Variants in SPTLC3 observed in about 807,000 individuals in gnomAD.
The protein encoded by SPTLC3 is serine palmitoyltransferase long chain base subunit 3.
Under a neutral mutation model 59.3 loss-of-function variants are expected in SPTLC3, and 36 were observed. The ratio of observed to expected loss-of-function variants is 0.61; its 90% CI spans 0.47 to 0.80. SPTLC3 has a LOEUF of 0.80. Ranked by LOEUF, SPTLC3 falls within the 30% of genes least tolerant of loss-of-function variation. The pLI is 0.00. For synonymous variants in SPTLC3, 257 were observed against 240.8 expected, an observed-to-expected ratio of 1.07 and a Z score of -0.62; for missense variants, 625 against 685.1, an observed-to-expected ratio of 0.91 and a Z score of 0.98.
chr20:13,143,024 G>C (rs796666140), intron 9 of SPTLC3, among the ~76,000 whole-genome samples: 64 of 152,272 alleles, frequency 4.2e-4, no homozygotes, highest in African/African-American at 1.4e-3. Context: ...CTGAAGTTTT[G>C]TGCCCTTTGT....
At chr20:13,077,573 C>T (rs954437278) in intron 4 of SPTLC3, among the ~76,000 whole-genome samples, 1 of 151,908 alleles carries the variant, frequency 6.6e-6, no homozygotes, top group Non-Finnish European at 1.5e-5. Context: ...TAATAAGAAA[C>T]TAACAAGTAT....
chr20:13,079,668 C>A, intron 4 of SPTLC3: 1 of 427,810 alleles, frequency 2.3e-6, no homozygotes, highest in East Asian at 8.8e-5. Flanking sequence ...TTGATGTGCG[C>A]AATGCTTCTT....
intron 2 of SPTLC3, among the ~76,000 whole-genome samples, chr20:13,056,379 A>G (rs896309426): frequency 6.6e-6 from 1 of 151,906 alleles, no homozygotes; most frequent in African/African-American, 2.4e-5. Flanking sequence ...GACAGGTTCT[A>G]ATTAACTGCA....
At chr20:13,104,956 CATGGGG>C (rs1989796648) in intron 6 of SPTLC3, among the ~76,000 whole-genome samples, 1 of 151,960 alleles carries the variant, frequency 6.6e-6, no homozygotes, top group East Asian at 1.9e-4. Context: ...TCAGAGGTGT[CATGGGG>C]ATTAACATAA....
intron 10 of SPTLC3, 55 bp from the exon 11 acceptor site, chr20:13,159,948 T>G: frequency 6.9e-7 from 1 of 1,450,180 alleles, no homozygotes; most frequent in Non-Finnish European, 9.2e-7. Flanking sequence ...TCAGGATAAT[T>G]TTGTCTTTTC....
chr20:13,031,520 A>G (rs1046728244), intron 1 of SPTLC3, among the ~76,000 whole-genome samples: 1 of 152,208 alleles, frequency 6.6e-6, no homozygotes, highest in Non-Finnish European at 1.5e-5. Context: ...GAAATAAATT[A>G]TCAAACTCCT....
Position 13,166,970 on chromosome 20 carries a change from G to A in SPTLC3, c.*2103G>A, listed in dbSNP as rs919585578. On this transcript the variant is annotated 3_prime_UTR_variant, in exon 12 of 12. Transcript: ENST00000399002. ...CTTTTCATCAAGATTCAAGAGTACAGGGGCAATTTATTACACTGCAATGTA... is the reference window on the plus strand; with the variant it reads ...CTTTTCATCAAGATTCAAGAGTACAAGGGCAATTTATTACACTGCAATGTA... 7 of 152,182 alleles carry A rather than the reference G, an allele frequency of 4.6e-5. No individual in the cohort carries two copies. The highest frequency in any genetic ancestry group is 1.3e-4 in the Admixed American group (2 of 15,272). The allele number at this position is 152,182 out of a possible 1,614,324, so 9.4% of individuals were successfully genotyped here. A position where few individuals can be genotyped will look rare whatever the true frequency, so the allele number is the denominator to read the frequency against.
Position 13,032,745 on chromosome 20 carries a change from A to G in SPTLC3, c.118-16200A>G, listed in dbSNP as rs541299737. On this transcript the variant is annotated intron_variant, in intron 1 of 11. Coordinates refer to ENST00000399002, the MANE Select transcript of SPTLC3 (RefSeq NM_018327.4). ...ATCCTGCCTTTTGTGGGAATCCTTC[A>G]TCCTTCACTCACCACTCTGGCTGCA... 2.3e-4 allele frequency among the ~76,000 whole-genome samples: 35 copies of G among 152,184 alleles called. No individual in the cohort carries two copies. In the South Asian group the frequency reaches 6.9e-3, roughly 30 times the overall value.
chr20:13,089,335 C>G (rs1989125764), intron 4 of SPTLC3, among the ~76,000 whole-genome samples: 1 of 152,142 alleles, frequency 6.6e-6, no homozygotes, highest in Non-Finnish European at 1.5e-5. Context: ...ATTCAGAAAG[C>G]ACTGCTCAAT....
At chr20:13,027,520 G>A (rs1428208496) in intron 1 of SPTLC3, among the ~76,000 whole-genome samples, 1 of 152,082 alleles carries the variant, frequency 6.6e-6, no homozygotes, top group East Asian at 1.9e-4. Flanking sequence ...CAAGGGCTGG[G>A]TGCAGCAGAC....
rs1988577601 is a variant in SPTLC3, at chr20:13,074,634, T to C, written c.607+137T>C. ...ACTGCAGAAAGAAAAAAAAGAGATA[T>C]TTTGGGAAATTTCAAGCATTAGGCT... On this transcript the variant is annotated intron_variant, in intron 4 of 11. Coordinates refer to ENST00000399002, the MANE Select transcript of SPTLC3 (RefSeq NM_018327.4). 3.7e-5 allele frequency: 39 copies of C among 1,057,964 alleles called. 1 individual carries two copies. The South Asian group carries it at 7.8e-4, about 21-fold the overall frequency. The allele number at this position is 1,057,964 out of a possible 1,614,324, so 65.5% of individuals were successfully genotyped here.
chr20:13,020,583 T>C (rs1007757147), intron 1 of SPTLC3, among the ~76,000 whole-genome samples: 3 of 152,160 alleles, frequency 2.0e-5, no homozygotes, highest in African/African-American at 7.2e-5. Context: ...ATATTAATAT[T>C]TATTTTGCTG....
intron 9 of SPTLC3, among the ~76,000 whole-genome samples, chr20:13,150,440 AT>A (rs1222277094): frequency 6.6e-6 from 1 of 152,160 alleles, no homozygotes; most frequent in Non-Finnish European, 1.5e-5. Flanking sequence ...AGAATTGGGG[AT>A]TTTGAAAGGA....
At chr20:13,034,217 A>G (rs999766698) in intron 1 of SPTLC3, among the ~76,000 whole-genome samples, 3 of 152,152 alleles carry the variant, frequency 2.0e-5, no homozygotes, top group Non-Finnish European at 4.4e-5. Context: ...TGTATTTGAT[A>G]TATGTACTGA....
At chr20:13,051,073 G>A (rs1057389000) in intron 2 of SPTLC3, 2 of 152,220 alleles carry the variant, frequency 1.3e-5, no homozygotes, top group Non-Finnish European at 2.9e-5. Context: ...CATGACGAAT[G>A]TAATGATACC....
At chr20:13,108,653 C>T (rs1990046612) in intron 6 of SPTLC3, among the ~76,000 whole-genome samples, 1 of 152,038 alleles carries the variant, frequency 6.6e-6, no homozygotes, top group South Asian at 2.1e-4. Flanking sequence ...CGGCTCACTG[C>T]AACATCCGTC....
intron 1 of SPTLC3, among the ~76,000 whole-genome samples, chr20:13,043,250 C>T (rs573169223): frequency 6.6e-6 from 1 of 152,260 alleles, no homozygotes; most frequent in East Asian, 1.9e-4. Flanking sequence ...TCTAGATTTC[C>T]TTTGCCATTT....
intron 1 of SPTLC3, among the ~76,000 whole-genome samples, chr20:13,048,432 T>C (rs536055310): frequency 2.6e-5 from 4 of 152,338 alleles, no homozygotes; most frequent in African/African-American, 9.6e-5. Flanking sequence ...TATCTGATTG[T>C]TTTCACATAA....
chr20:13,039,525 T>C (rs923648972), intron 1 of SPTLC3, among the ~76,000 whole-genome samples: 5 of 152,092 alleles, frequency 3.3e-5, no homozygotes, highest in Non-Finnish European at 7.4e-5. Flanking sequence ...GTATCTACTC[T>C]AGACATTTTA....
Sources: allele counts gnomAD v4.1 joint callset (sites outside exome capture counted in the v4.1 genomes callset), GRCh38; gene constraint gnomAD v4.1.1; transcripts MANE v1.5; gene names NCBI Gene and HGNC (gene_info 2026-07-23, HGNC 2026-07-21).